ZNF793: variants seen among roughly 807,000 people sequenced by gnomAD.
ZNF793 encodes the protein zinc finger protein 793.
Under a neutral mutation model 12.4 loss-of-function variants are expected in ZNF793, and 5 were observed. The observed-to-expected ratio is 0.40, with a 90% CI of 0.21 to 0.84. The LOEUF is 0.84. ZNF793 is among the 40% of genes least tolerant of loss of function. The pLI is 0.35. For synonymous variants in ZNF793, 162 were observed against 172.4 expected (o/e 0.94, Z 0.47); for missense variants, 456 against 495.0 (o/e 0.92, Z 0.75).
chr19:37,518,930 A>C (rs1327223568), intron 2 of ZNF793, among the ~76,000 whole-genome samples: 2 of 152,110 alleles, frequency 1.3e-5, no homozygotes, highest in Non-Finnish European at 2.9e-5. Context: ...CTTGAGACAC[A>C]TTATTGGATG....
chr19:37,519,789 CAGAT>C (rs1267445650), intron 2 of ZNF793, among the ~76,000 whole-genome samples: 3 of 152,154 alleles, frequency 2.0e-5, no homozygotes, highest in Non-Finnish European at 4.4e-5. Flanking sequence ...TACTGAGACA[CAGAT>C]AGACTAAGTA....
intron 1 of ZNF793, among the ~76,000 whole-genome samples, 156 bp from the exon 2 acceptor site, chr19:37,508,109 T>C (rs1214161314): frequency 1.3e-5 from 2 of 152,192 alleles, no homozygotes; most frequent in Non-Finnish European, 1.5e-5. Context: ...GAAAACTCTT[T>C]TTTGAACCCA....
chr19:37,537,331 A>T lies in ZNF793; in HGVS notation c.673A>T (p.Lys225Ter), dbSNP rs2042514467. 1 of 1,613,414 alleles carries T rather than the reference A, an allele frequency of 6.2e-7. No homozygotes were observed. The highest frequency in any genetic ancestry group is 1.1e-5 in the South Asian group (1 of 91,020). Residue 225 changes from lysine to a stop codon, truncating the protein, a stop_gained, in exon 8 of 8, where the codon AAA becomes TAA. Coordinates refer to ENST00000627814, the MANE Select transcript of ZNF793 (RefSeq NM_001013659.3). LOFTEE classifies it low-confidence loss of function (END_TRUNC). ...ACGGAAGAGGGTTCCACCTACAGAA[A>T]AACCCCACGTCTGTAGTGAGTGTGG... ...YKRKRVPPTE[K>*]PHVCSECGKA...
chr19:37,526,745 C>T (rs1335535317), intron 5 of ZNF793, among the ~76,000 whole-genome samples: 1 of 152,220 alleles, frequency 6.6e-6, no homozygotes, highest in East Asian at 1.9e-4. Flanking sequence ...GCCCAGCATT[C>T]CTCATGGAGG....
Position 37,537,662 on chromosome 19 carries a change from G to C in ZNF793, c.1004G>C (p.Gly335Ala). Reference protein sequence around the residue: ...YLNVHRKMHTGERPYRCRECG... With the variant: ...YLNVHRKMHTAERPYRCRECG... ...AATGTACATCGAAAAATGCACACAG[G>C]AGAAAGACCGTATCGTTGCAGAGAA... The change falls in exon 8 of 8, where the codon GGA (glycine) becomes GCA (alanine). Residue 335 changes from glycine (G) to alanine (A), a missense_variant. Gly to Ala is a moderately conservative substitution (Grantham distance 60). Transcript: ENST00000627814. 6.2e-7 allele frequency: 1 copy of C among 1,613,686 alleles called. No homozygotes were observed.
At chr19:37,512,849 A>G (rs1406951545) in intron 2 of ZNF793, among the ~76,000 whole-genome samples, 2 of 152,194 alleles carry the variant, frequency 1.3e-5, no homozygotes, top group African/African-American at 2.4e-5. Flanking sequence ...TTAATGGTCC[A>G]GGATTCTAAT....
Position 37,540,575 on chromosome 19 carries a change from A to T in ZNF793, c.*2696A>T, listed in dbSNP as rs189233806. On this transcript the variant is annotated 3_prime_UTR_variant, in exon 8 of 8. Coordinates refer to ENST00000627814, the MANE Select transcript of ZNF793 (RefSeq NM_001013659.3). ...TTTTTCTTAAAAAAAATTTTTTTTA[A>T]CCCAAACCCCAAAGCATATATTATG... 9.3e-6 allele frequency: 1 copy of T among 107,026 alleles called. No homozygotes were observed. The highest frequency in any genetic ancestry group is 2.8e-5 in the African/African-American group (1 of 35,290). 6.6% of individuals were successfully genotyped at this position (107,026 alleles called of 1,614,324 possible).
At chr19:37,510,423 G>A (rs2042284444) in intron 2 of ZNF793, among the ~76,000 whole-genome samples, 1 of 150,744 alleles carries the variant, frequency 6.6e-6, no homozygotes, top group South Asian at 2.1e-4. Flanking sequence ...GCTGAGGCAG[G>A]AGAATTAGTT....
chr19:37,537,812 A>G lies in ZNF793; in HGVS notation c.1154A>G (p.His385Arg). 2 of 1,613,694 alleles carry G rather than the reference A, an allele frequency of 1.2e-6. No individual in the cohort carries two copies. The highest frequency in any genetic ancestry group is 2.2e-5 in the South Asian group (2 of 91,070). ...AFYQKPNLSR[H>R]QKIHARKNAY... ...TACCAGAAGCCAAACCTCAGCAGAC[A>G]TCAGAAAATTCATGCTCGGAAGAAT... The change falls in exon 8 of 8, where the codon CAT (histidine) becomes CGT (arginine). Residue 385 changes from histidine (H) to arginine (R), a missense_variant. Transcript: ENST00000627814.
At chr19:37,517,522 C>T (rs1308857032) in intron 2 of ZNF793, among the ~76,000 whole-genome samples, 2 of 151,850 alleles carry the variant, frequency 1.3e-5, no homozygotes, top group Non-Finnish European at 2.9e-5. Flanking sequence ...GCAAATCTGT[C>T]TCTGAGAGGC....
In ZNF793 at chr19:37,541,759, A is replaced by G. The variant is rs922207164; in HGVS notation, c.*3880A>G. On this transcript the variant is annotated 3_prime_UTR_variant, in exon 8 of 8. Transcript: ENST00000627814. ...TTTGGTACAATCTTTTGGGTGACAA[A>G]AGATGCCATCAGCAAACTCAAGAGA... The G allele has an allele frequency of 4.6e-5, 7 of 152,246 alleles. No individual in the cohort carries two copies. Among genetic ancestry groups the G allele is most frequent in the African/African-American group, 1.7e-4 (7 of 41,464 alleles). 9.4% of individuals were successfully genotyped at this position (152,246 alleles called of 1,614,324 possible).
At chr19:37,508,870 C>CT (rs1262132595) in intron 2 of ZNF793, among the ~76,000 whole-genome samples, 2 of 152,092 alleles carry the variant, frequency 1.3e-5, no homozygotes, top group African/African-American at 4.8e-5. Context: ...TTCTGAGAAA[C>CT]TTTTTGCCTT....
At chr19:37,508,567 G>A (rs1354892664) in intron 2 of ZNF793, among the ~76,000 whole-genome samples, 164 bp downstream of exon 2, 3 of 152,090 alleles carry the variant, frequency 2.0e-5, no homozygotes, top group Non-Finnish European at 4.4e-5. Context: ...TTAGCCGGGC[G>A]TGGTGGCGGG....
At chr19:37,526,485 G>A (rs1446334764) in intron 5 of ZNF793, among the ~76,000 whole-genome samples, 2 of 152,156 alleles carry the variant, frequency 1.3e-5, no homozygotes, top group Non-Finnish European at 2.9e-5. Flanking sequence ...GTGCAGAATT[G>A]TATCTTTTCC....
Position 37,537,768 on chromosome 19 carries a change from T to G in ZNF793, c.1110T>G (p.Asn370Lys), listed in dbSNP as rs1482279727. 6.2e-7 allele frequency: 1 copy of G among 1,613,948 alleles called. No homozygotes were observed. Among genetic ancestry groups the G allele is most frequent in the Non-Finnish European group, 8.5e-7 (1 of 1,179,962 alleles). The change falls in exon 8 of 8, where the codon AAT becomes AAG. Residue 370 changes from asparagine to lysine, a missense_variant. Coordinates refer to ENST00000627814, the MANE Select transcript of ZNF793 (RefSeq NM_001013659.3). Reference protein sequence around the residue: ...THTGEKPYGCNECGKAFYQKP... With the variant: ...THTGEKPYGCKECGKAFYQKP... Reference sequence around the variant, plus strand: ...CAGGAGAGAAGCCCTATGGGTGCAATGAATGTGGGAAAGCTTTCTACCAGA... The same window carrying G: ...CAGGAGAGAAGCCCTATGGGTGCAAGGAATGTGGGAAAGCTTTCTACCAGA...
intron 2 of ZNF793, among the ~76,000 whole-genome samples, chr19:37,516,087 CT>C (rs1239692584): frequency 6.6e-6 from 1 of 151,988 alleles, no homozygotes; most frequent in Middle Eastern, 3.2e-3. Context: ...ACTGAGTTCA[CT>C]TTTGTGAAAC....
At chr19:37,509,329 G>A (rs1476543285) in intron 2 of ZNF793, among the ~76,000 whole-genome samples, 4 of 152,130 alleles carry the variant, frequency 2.6e-5, no homozygotes, top group African/African-American at 7.2e-5. Context: ...AGAACATGCA[G>A]TATTTGACTT....
At chr19:37,536,766 C>G (rs2042507943) in intron 7 of ZNF793, 131 bp from the exon 8 acceptor site, 1 of 985,058 alleles carries the variant, frequency 1.0e-6, no homozygotes, top group Admixed American at 3.0e-5. Context: ...TCATAGAACA[C>G]TCTTCCCTGC....
chr19:37,543,284 C>T lies in ZNF793; in HGVS notation c.*5405C>T, dbSNP rs767764924. 7 of 152,074 alleles carry T rather than the reference C, an allele frequency of 4.6e-5. No homozygotes were observed. The highest frequency in any genetic ancestry group is 7.4e-5 in the Non-Finnish European group (5 of 68,022). 9.4% of individuals were successfully genotyped at this position (152,074 alleles called of 1,614,324 possible). ...TGCATTGTCTTGTTCACATATATTG[C>T]TTTTGTAATTTGAAAAACAAAATAA... On this transcript the variant is annotated 3_prime_UTR_variant, in exon 8 of 8. Transcript: ENST00000627814.
Sources: gnomAD v4.1 joint callset for allele counts (sites outside exome capture counted in the v4.1 genomes callset) on GRCh38, gnomAD v4.1.1 for gene constraint, MANE v1.5 for transcripts, NCBI Gene and HGNC (gene_info 2026-07-23, HGNC 2026-07-21) for gene names.